The following PSMC6 variants were observed in gnomAD, a reference collection of about 807,000 sequenced individuals.
PSMC6 encodes the protein proteasome 26S subunit, ATPase 6, also known as 26S proteasome regulatory subunit 10B.
In PSMC6, 3 loss-of-function variants were observed where a neutral mutation model predicts 55.9. That is an observed-to-expected ratio of 0.05 (90% CI 0.02 to 0.14). The LOEUF is 0.14. Among genes scored for constraint, PSMC6 ranks in the 10% least tolerant of loss-of-function variants. PSMC6 has a pLI of 1.00. For missense variants in PSMC6, 210 were observed against 478.7 expected (o/e 0.44, Z 5.24); for synonymous variants, 137 against 155.9 (o/e 0.88, Z 0.90).
intron 4 of PSMC6, chr14:52,709,798 A>T (rs1385841861): frequency 4.5e-6 from 1 of 222,562 alleles, no homozygotes; most frequent in Non-Finnish European, 9.2e-6. Flanking sequence ...TAATTAAAAA[A>T]AATCAAAAGT....
chr14:52,712,134 A>C (rs1335212126), intron 6 of PSMC6, among the ~76,000 whole-genome samples: 1 of 152,200 alleles, frequency 6.6e-6, no homozygotes, highest in South Asian at 2.1e-4. Flanking sequence ...GGCTGTGAAT[A>C]TTTAGGAATT....
chr14:52,710,900 G>A (rs2041764838), intron 4 of PSMC6: 1 of 583,828 alleles, frequency 1.7e-6, no homozygotes, highest in East Asian at 3.1e-5. Context: ...ACACAAAGGG[G>A]CATGCTTTTA....
chr14:52,712,156 T>A (rs1272016177), intron 6 of PSMC6, among the ~76,000 whole-genome samples: 1 of 152,186 alleles, frequency 6.6e-6, no homozygotes, highest in African/African-American at 2.4e-5. Context: ...ATGGGAATAA[T>A]TGGAATGTCT....
intron 4 of PSMC6, chr14:52,709,236 A>G (rs1019652354): frequency 4.9e-6 from 1 of 203,954 alleles, no homozygotes; most frequent in South Asian, 7.1e-5. Context: ...AGATTAGGGT[A>G]GGGCAAGTTG....
At chr14:52,707,461 G>C in intron 1 of PSMC6, 157 bp downstream of exon 1, 1 of 960,286 alleles carries the variant, frequency 1.0e-6, no homozygotes, top group Admixed American at 2.8e-5. Context: ...TGAGCTTGTG[G>C]AGCAGCACTC....
intron 7 of PSMC6, among the ~76,000 whole-genome samples, chr14:52,715,103 C>T (rs910501358): frequency 5.4e-5 from 8 of 148,802 alleles, no homozygotes; most frequent in Non-Finnish European, 1.0e-4. Flanking sequence ...GTAGCCATTG[C>T]GTTCTTGACT....
intron 9 of PSMC6, 158 bp downstream of exon 9, chr14:52,718,510 C>T (rs887267268): frequency 5.6e-5 from 45 of 808,946 alleles, no homozygotes; most frequent in African/African-American, 4.0e-4. Flanking sequence ...CTTTCATGGC[C>T]GGGTGTGGTG....
intron 13 of PSMC6, among the ~76,000 whole-genome samples, chr14:52,727,119 C>T (rs1880452669): frequency 7.0e-6 from 1 of 143,018 alleles, no homozygotes; most frequent in African/African-American, 2.6e-5. Flanking sequence ...CTCCTGGGTT[C>T]AAGCCATTCT....
At chr14:52,724,705 TTG>T (rs1440544810) in intron 13 of PSMC6, among the ~76,000 whole-genome samples, 2 of 152,204 alleles carry the variant, frequency 1.3e-5, no homozygotes, top group Admixed American at 6.5e-5. Context: ...TATGTAAAAA[TTG>T]TGTGATGCTA....
rs1880512698 is a variant in PSMC6, at chr14:52,728,476, TG to T, written c.*861del. 1 of 152,222 alleles carries T rather than the reference TG, an allele frequency of 6.6e-6. No homozygotes were observed. Among genetic ancestry groups the T allele is most frequent in the African/African-American group, 2.4e-5 (1 of 41,446 alleles). The allele number at this position is 152,222 out of a possible 1,614,324, so 9.4% of individuals were successfully genotyped here. On this transcript the variant is annotated 3_prime_UTR_variant, in exon 14 of 14. Transcript: ENST00000445930. ...GACTCTTTAGGTATGTATGGATACCTGGCTAAGAGTGTATGATGTAGGGGAT... is the reference window on the plus strand; with the variant it reads ...GACTCTTTAGGTATGTATGGATACCTGCTAAGAGTGTATGATGTAGGGGAT...
chr14:52,711,230 A>T, intron 5 of PSMC6, 62 bp downstream of exon 5: 1 of 1,465,978 alleles, frequency 6.8e-7, no homozygotes, highest in Non-Finnish European at 9.5e-7. Flanking sequence ...TTTATCTGAG[A>T]TATATGCTTC....
In PSMC6 at chr14:52,718,148, G is replaced by A. The variant is rs1566659580; in HGVS notation, c.591+6G>A. ...TGGACTGCAATTTCTTAAAGGTAAA[G>A]GGAAGATTATTTTGTACTTATTGAA... is the stretch of plus-strand genomic sequence containing the variant. On this transcript the variant is annotated splice_donor_region_variant and intron_variant, in intron 8 of 13. Transcript: ENST00000445930. The A allele has an allele frequency of 6.2e-7, 1 of 1,613,008 alleles. No homozygotes were observed.
chr14:52,724,833 T>C (rs895899146), intron 13 of PSMC6, among the ~76,000 whole-genome samples: 1 of 152,262 alleles, frequency 6.6e-6, no homozygotes, highest in African/African-American at 2.4e-5. Context: ...GTTACTGACT[T>C]TATAGGTTAT....
At chr14:52,721,879 C>T (rs2041894444) in intron 12 of PSMC6, 1 of 152,654 alleles carries the variant, frequency 6.6e-6, no homozygotes, top group Admixed American at 6.5e-5. Flanking sequence ...GATCCTCACA[C>T]CTCAGCCTCC....
chr14:52,714,380 C>T (rs2041807349), intron 7 of PSMC6, among the ~76,000 whole-genome samples: 1 of 152,196 alleles, frequency 6.6e-6, no homozygotes, highest in Non-Finnish European at 1.5e-5. Context: ...AACTTCTCCT[C>T]TCTTCAGAGT....
intron 6 of PSMC6, among the ~76,000 whole-genome samples, chr14:52,711,767 G>A (rs1051473510): frequency 6.6e-6 from 1 of 152,050 alleles, no homozygotes; most frequent in Admixed American, 6.6e-5. Flanking sequence ...GCAAAGGAAC[G>A]GAGAAAAAGC....
intron 3 of PSMC6, 62 bp from the exon 4 acceptor site, chr14:52,708,702 C>T (rs2041731612): frequency 1.9e-6 from 3 of 1,601,882 alleles, no homozygotes; most frequent in East Asian, 2.2e-5. Context: ...CCTCTGTCAA[C>T]GTGGGTATGT....
intron 10 of PSMC6, among the ~76,000 whole-genome samples, chr14:52,719,366 CTG>C (rs1287531600): frequency 3.9e-5 from 6 of 152,170 alleles, no homozygotes; most frequent in South Asian, 2.1e-4. Flanking sequence ...CATATTAAGA[CTG>C]TTGGCAATAA....
chr14:52,727,745 C>A lies in PSMC6; in HGVS notation c.*128C>A. ...ATATGAATAAAAATATGAGTAACAT[C>A]ATAAAAATTAGTAATTCAACTTTTA... On this transcript the variant is annotated 3_prime_UTR_variant, in exon 14 of 14. Transcript: ENST00000445930. 1.8e-6 allele frequency: 1 copy of A among 543,462 alleles called. No homozygotes were observed. The highest frequency in any genetic ancestry group is 3.2e-6 in the Non-Finnish European group (1 of 314,224). 33.7% of individuals were successfully genotyped at this position (543,462 alleles called of 1,614,324 possible). A position where few individuals can be genotyped will look rare whatever the true frequency, so the allele number is the denominator to read the frequency against.
Sources: allele counts gnomAD v4.1 joint callset (sites outside exome capture counted in the v4.1 genomes callset), GRCh38; gene constraint gnomAD v4.1.1; transcripts MANE v1.5; gene names NCBI Gene and HGNC (gene_info 2026-07-23, HGNC 2026-07-21).